Variants in MROH9 observed in about 807,000 individuals in gnomAD.
MROH9 encodes maestro heat like repeat family member 9, also known as maestro heat-like repeat-containing protein family member 9.
MROH9 carries 92 observed loss-of-function variants against 98.2 expected under a neutral mutation model. The ratio of observed to expected loss-of-function variants is 0.94; its 90% CI spans 0.79 to 1.11. MROH9 has a LOEUF of 1.11. Ranked by LOEUF, MROH9 falls within the 50% of genes most tolerant of loss-of-function variation. MROH9 has a pLI of 0.00. For missense variants in MROH9, 1,057 were observed against 1,014.8 expected, an observed-to-expected ratio of 1.04 and a Z score of -0.57; for synonymous variants, 397 against 368.9, an observed-to-expected ratio of 1.08 and a Z score of -0.87.
intron 8 of MROH9, among the ~76,000 whole-genome samples, chr1:170,980,587 A>C (rs910001299): frequency 6.6e-6 from 1 of 152,170 alleles, no homozygotes; most frequent in Non-Finnish European, 1.5e-5. Flanking sequence ...CTGAAACTGG[A>C]CCCCTTCCTT....
chr1:170,983,569 T>C, intron 9 of MROH9, 35 bp downstream of exon 9: 1 of 1,204,540 alleles, frequency 8.3e-7, no homozygotes, highest in Non-Finnish European at 1.2e-6. Context: ...AGGGCTTTTG[T>C]TTATGTGTAT....
At chr1:170,997,176 G>A (rs922935281) in intron 14 of MROH9, among the ~76,000 whole-genome samples, 4 of 152,118 alleles carry the variant, frequency 2.6e-5, no homozygotes, top group African/African-American at 9.7e-5. Context: ...AATACGGGCT[G>A]TTGACAACAT....
intron 2 of MROH9, among the ~76,000 whole-genome samples, 166 bp from the exon 3 acceptor site, chr1:170,947,361 G>A (rs955049922): frequency 6.6e-6 from 1 of 151,748 alleles, no homozygotes; most frequent in Non-Finnish European, 1.5e-5. Context: ...GTGTTGTCCA[G>A]TAATACTCAC....
Position 171,064,423 on chromosome 1 carries a change from T to A in MROH9, c.*83T>A. ...GGAGCTGACCTTAGAAGAAGAATGATTTTTCTTTCCCTCCTGACAACTTGA... is the reference window on the plus strand; with the variant it reads ...GGAGCTGACCTTAGAAGAAGAATGAATTTTCTTTCCCTCCTGACAACTTGA... On this transcript the variant is annotated 3_prime_UTR_variant, in exon 22 of 22. Transcript: ENST00000367759. The A allele has an allele frequency of 1.4e-5, 19 of 1,344,046 alleles. No homozygotes were observed. The highest frequency in any genetic ancestry group is 3.0e-5 in the African/African-American group (2 of 67,312). 83.3% of individuals were successfully genotyped at this position (1,344,046 alleles called of 1,614,324 possible).
chr1:171,012,179 T>A (rs1652177171), intron 15 of MROH9, among the ~76,000 whole-genome samples: 2 of 152,110 alleles, frequency 1.3e-5, no homozygotes, highest in African/African-American at 2.4e-5. Flanking sequence ...AGGGGAAATT[T>A]CTCTTAAATT....
intron 20 of MROH9, among the ~76,000 whole-genome samples, chr1:171,054,976 C>T (rs1259028144): frequency 6.6e-6 from 1 of 150,798 alleles, no homozygotes; most frequent in African/African-American, 2.4e-5. Context: ...GTAGATCTAC[C>T]ATTTGATCCA....
chr1:171,019,254 C>G (rs1431723968), intron 17 of MROH9, among the ~76,000 whole-genome samples: 2 of 152,160 alleles, frequency 1.3e-5, no homozygotes, highest in Admixed American at 1.3e-4. Flanking sequence ...ATCAAGAAGT[C>G]TTTTGAAACC....
chr1:170,994,199 T>C (rs569057433), intron 12 of MROH9, among the ~76,000 whole-genome samples: 1 of 152,274 alleles, frequency 6.6e-6, no homozygotes, highest in Admixed American at 6.5e-5. Context: ...ACTGCATATG[T>C]GGTGGTGATC....
At chr1:170,986,435 G>T (rs757483281) in intron 9 of MROH9, 126 bp from the exon 10 acceptor site, 1 of 803,596 alleles carries the variant, frequency 1.2e-6, no homozygotes, top group Non-Finnish European at 1.9e-6. Context: ...CCAACAAGAT[G>T]TATATGGCCC....
chr1:171,005,004 A>G (rs545807524), intron 15 of MROH9, among the ~76,000 whole-genome samples: 2 of 152,096 alleles, frequency 1.3e-5, no homozygotes, highest in South Asian at 4.1e-4. Flanking sequence ...TATTTCTGTA[A>G]AACAAGCCAT....
intron 8 of MROH9, among the ~76,000 whole-genome samples, chr1:170,972,524 T>G (rs1183480304): frequency 6.6e-6 from 1 of 152,040 alleles, no homozygotes; most frequent in Admixed American, 6.6e-5. Flanking sequence ...ATATACATAG[T>G]TTTTGGCAAG....
intron 16 of MROH9, 114 bp from the exon 17 acceptor site, chr1:171,016,049 G>A: frequency 1.7e-6 from 1 of 578,914 alleles, no homozygotes; most frequent in Non-Finnish European, 2.6e-6. Context: ...AGATTTTCGT[G>A]AGTCGGCTTC....
chr1:170,974,998 A>G (rs1477545314), intron 8 of MROH9, among the ~76,000 whole-genome samples: 2 of 152,108 alleles, frequency 1.3e-5, no homozygotes, highest in Non-Finnish European at 2.9e-5. Context: ...GCAAAAAGTT[A>G]TATATATTAA....
intron 3 of MROH9, among the ~76,000 whole-genome samples, chr1:170,957,454 C>G (rs1649808914): frequency 6.6e-6 from 1 of 152,174 alleles, no homozygotes; most frequent in Non-Finnish European, 1.5e-5. Context: ...GAATTCTTGT[C>G]TCCCTTATCA....
intron 12 of MROH9, 90 bp downstream of exon 12, chr1:170,992,419 T>C: frequency 2.2e-6 from 3 of 1,347,034 alleles, no homozygotes; most frequent in Non-Finnish European, 3.1e-6. Flanking sequence ...TCATACTTTC[T>C]TAACACAGTC....
At chr1:170,999,830 CACA>C (rs1186331905) in intron 15 of MROH9, among the ~76,000 whole-genome samples, 1 of 152,080 alleles carries the variant, frequency 6.6e-6, no homozygotes, top group Non-Finnish European at 1.5e-5. Context: ...TCACTGCATT[CACA>C]ACAACATCTA....
intron 11 of MROH9, 53 bp downstream of exon 11, chr1:170,990,056 A>T (rs980671603): frequency 6.5e-7 from 1 of 1,533,754 alleles, no homozygotes; most frequent in Non-Finnish European, 8.9e-7. Flanking sequence ...CACAGGCTGC[A>T]CTGTCAGATG....
intron 20 of MROH9, among the ~76,000 whole-genome samples, chr1:171,048,400 C>A (rs940232560): frequency 6.6e-6 from 1 of 152,082 alleles, no homozygotes; most frequent in East Asian, 1.9e-4. Flanking sequence ...TCTCCAAAGG[C>A]AGAGGAGCCT....
intron 15 of MROH9, among the ~76,000 whole-genome samples, chr1:171,012,409 C>G (rs146813673): frequency 6.6e-6 from 1 of 151,872 alleles, no homozygotes; most frequent in Non-Finnish European, 1.5e-5. Flanking sequence ...CACTCTCGCT[C>G]TCTTGCTCTG....
Sources: gnomAD v4.1 joint callset for allele counts (sites outside exome capture counted in the v4.1 genomes callset) on GRCh38, gnomAD v4.1.1 for gene constraint, MANE v1.5 for transcripts, NCBI Gene and HGNC (gene_info 2026-07-23, HGNC 2026-07-21) for gene names.